Variants in GPC6 observed in about 807,000 individuals in gnomAD.
GPC6 encodes the protein glypican 6.
Under a neutral mutation model 55.2 loss-of-function variants are expected in GPC6, and 14 were observed. That is an observed-to-expected ratio of 0.25 (90% CI 0.17 to 0.40). GPC6 has a LOEUF of 0.40. GPC6 is among the 10% of genes least tolerant of loss of function. The pLI is 1.00. For synonymous variants in GPC6, 278 were observed against 259.6 expected, an observed-to-expected ratio of 1.07 and a Z score of -0.68; for missense variants, 641 against 708.5, an observed-to-expected ratio of 0.90 and a Z score of 1.08.
chr13:94,194,682 A>G (rs920929528), intron 4 of GPC6, among the ~76,000 whole-genome samples: 31 of 152,300 alleles, frequency 2.0e-4, no homozygotes, highest in South Asian at 4.1e-4. Context: ...GTGCATCAAA[A>G]TCTCACAAAT....
At chr13:93,627,773 A>G (rs971430678) in intron 2 of GPC6, among the ~76,000 whole-genome samples, 3 of 152,172 alleles carry the variant, frequency 2.0e-5, no homozygotes, top group African/African-American at 7.2e-5. Context: ...TATGGTTTTT[A>G]TCGTGAAATC....
Position 93,544,491 on chromosome 13 carries a change from G to A in GPC6, c.161-772G>A, listed in dbSNP as rs370458756. 1.2e-4 allele frequency among the ~76,000 whole-genome samples: 19 copies of A among 152,246 alleles called. 1 individual carries two copies. The East Asian group carries it at 3.5e-3, about 28-fold the overall frequency. On this transcript the variant is annotated intron_variant, in intron 1 of 8. Coordinates refer to ENST00000377047, the MANE Select transcript of GPC6 (RefSeq NM_005708.5). ...GTGAGAAAGATTTTTGACACTAACT[G>A]AGCTGCTTCAATTGGAAATTCACAT... is the stretch of plus-strand genomic sequence containing the variant.
intron 3 of GPC6, among the ~76,000 whole-genome samples, chr13:93,847,738 G>A (rs1223746985): frequency 6.6e-6 from 1 of 151,988 alleles, no homozygotes; most frequent in Non-Finnish European, 1.5e-5. Context: ...TATGCATTAT[G>A]GAATTGATAC....
chr13:93,867,200 T>C (rs541805390), intron 3 of GPC6, among the ~76,000 whole-genome samples: 11 of 151,860 alleles, frequency 7.2e-5, no homozygotes, highest in African/African-American at 2.7e-4. Flanking sequence ...GAAATGTCTT[T>C]GGACAACAGT....
At chr13:93,324,613 A>T (rs9561310) in intron 1 of GPC6, among the ~76,000 whole-genome samples, 13 of 64,736 alleles carry the variant, frequency 2.0e-4, no homozygotes, top group Admixed American at 1.1e-3. Context: ...TATATATATA[A>T]AATCTCTGAG....
intron 2 of GPC6, among the ~76,000 whole-genome samples, chr13:93,569,572 A>ATC (rs140018839): frequency 0.049 from 7,419 of 152,076 alleles, 397 homozygotes; most frequent in East Asian, 0.32. Flanking sequence ...GCGAATGAAC[A>ATC]TCTCATTCTC....
rs925277649 is a variant in GPC6, at chr13:93,767,917, T to G, written c.320-62237T>G. Among the ~76,000 whole-genome samples, 31 of 152,228 alleles carry G rather than the reference T, an allele frequency of 2.0e-4. No individual in the cohort carries two copies. The Middle Eastern group carries it at 0.01, about 50-fold the overall frequency. Reference sequence around the variant, plus strand: ...CATCTTCAAGCAAAAATTTAGTCGTTTTTCTTTTTTCCCCCTCACTGATTT... The same window carrying G: ...CATCTTCAAGCAAAAATTTAGTCGTGTTTCTTTTTTCCCCCTCACTGATTT... On this transcript the variant is annotated intron_variant, in intron 2 of 8. Transcript: ENST00000377047.
intron 1 of GPC6, among the ~76,000 whole-genome samples, chr13:93,447,214 A>C (rs2139296533): frequency 6.6e-6 from 1 of 152,304 alleles, no homozygotes; most frequent in Middle Eastern, 3.4e-3. Flanking sequence ...GTTACAGTAT[A>C]AAGTTGAGAA....
intron 2 of GPC6, chr13:93,818,806 A>C (rs1316700216): frequency 2.6e-5 from 4 of 152,214 alleles, no homozygotes; most frequent in Non-Finnish European, 4.4e-5. Context: ...AGAGAAGGGA[A>C]AGGAAATGAA....
chr13:94,256,722 A>G (rs906007138), intron 4 of GPC6, among the ~76,000 whole-genome samples: 4 of 152,170 alleles, frequency 2.6e-5, no homozygotes, highest in African/African-American at 7.2e-5. Flanking sequence ...TGTGGATTGG[A>G]AAGGGACCTG....
chr13:93,269,642 T>C (rs368628412), intron 1 of GPC6, among the ~76,000 whole-genome samples: 11 of 151,792 alleles, frequency 7.2e-5, no homozygotes, highest in African/African-American at 1.2e-4. Flanking sequence ...ATATTTGTGG[T>C]AGGCCGGACA....
intron 2 of GPC6, among the ~76,000 whole-genome samples, chr13:93,761,347 T>C (rs1884948454): frequency 6.6e-6 from 1 of 152,160 alleles, no homozygotes; most frequent in Admixed American, 6.5e-5. Flanking sequence ...AGTTTTTTAA[T>C]AGAGACAGAT....
At chr13:94,113,413 CCTT>C (rs1413151903) in intron 4 of GPC6, among the ~76,000 whole-genome samples, 1 of 152,084 alleles carries the variant, frequency 6.6e-6, no homozygotes, top group Non-Finnish European at 1.5e-5. Context: ...TGTTTCATTT[CCTT>C]CTTCTTACCC....
chr13:93,965,609 A>C (rs1880005797), intron 3 of GPC6, among the ~76,000 whole-genome samples: 1 of 152,018 alleles, frequency 6.6e-6, no homozygotes, highest in Non-Finnish European at 1.5e-5. Flanking sequence ...CCCTCTTAAA[A>C]CTTGGTCACC....
At chr13:93,669,058 G>A (rs1281399268) in intron 2 of GPC6, among the ~76,000 whole-genome samples, 1 of 152,118 alleles carries the variant, frequency 6.6e-6, no homozygotes, top group African/African-American at 2.4e-5. Flanking sequence ...TAATCTTGTA[G>A]GCAATTCTTA....
At chr13:94,109,867 T>G (rs1049808923) in intron 4 of GPC6, among the ~76,000 whole-genome samples, 2 of 151,988 alleles carry the variant, frequency 1.3e-5, no homozygotes, top group African/African-American at 4.8e-5. Flanking sequence ...AAGCTTTCCC[T>G]CATTAAAAAT....
Position 93,668,616 on chromosome 13 carries a change from G to A in GPC6, c.319+123195G>A, listed in dbSNP as rs78931126. On this transcript the variant is annotated intron_variant, in intron 2 of 8. Transcript: ENST00000377047. Reference sequence around the variant, plus strand: ...AAGAGAAGCCATGCGAAAGGAGACCGCCATGTGAATATGGAAGCAGACATT... The same window carrying A: ...AAGAGAAGCCATGCGAAAGGAGACCACCATGTGAATATGGAAGCAGACATT... Among the ~76,000 whole-genome samples, 1,183 of 152,242 alleles carry A rather than the reference G, an allele frequency of 7.8e-3. 14 individuals carry two copies. Among genetic ancestry groups the A allele is most frequent in the South Asian group, 0.026 (125 of 4,826 alleles).
chr13:93,526,289 G>C (rs1417570571), intron 1 of GPC6, among the ~76,000 whole-genome samples: 1 of 152,032 alleles, frequency 6.6e-6, no homozygotes, highest in Admixed American at 6.6e-5. Context: ...ATTCAGTTAC[G>C]TGGGACATGT....
chr13:94,244,918 A>G (rs1433071709), intron 4 of GPC6, among the ~76,000 whole-genome samples: 1 of 152,098 alleles, frequency 6.6e-6, no homozygotes, highest in Admixed American at 6.6e-5. Flanking sequence ...TATTTAAAAT[A>G]TACAGCATGA....
Sources: gnomAD v4.1 joint callset for allele counts (sites outside exome capture counted in the v4.1 genomes callset) on GRCh38, gnomAD v4.1.1 for gene constraint, MANE v1.5 for transcripts, NCBI Gene and HGNC (gene_info 2026-07-23, HGNC 2026-07-21) for gene names.